Variants in KCNMA1 observed in about 807,000 individuals in gnomAD.
The protein encoded by KCNMA1 is Calcium-activated potassium channel subunit alpha-1.
A neutral mutation model predicts 140.0 loss-of-function variants in KCNMA1; 29 were observed. The observed-to-expected ratio is 0.21, with a 90% CI of 0.15 to 0.28. The LOEUF is 0.28. Ranked by LOEUF, KCNMA1 falls within the 10% of genes least tolerant of loss-of-function variation. KCNMA1 has a pLI of 1.00. For synonymous variants in KCNMA1, 612 were observed against 611.9 expected, an observed-to-expected ratio of 1.00 and a Z score of 0.00; for missense variants, 880 against 1,602.2, an observed-to-expected ratio of 0.55 and a Z score of 7.70.
At chr10:76,911,803 G>A (rs1159889557) in intron 24 of KCNMA1, 1 of 152,192 alleles carries the variant, frequency 6.6e-6, no homozygotes, top group Admixed American at 6.5e-5. Flanking sequence ...GATGTTGTAG[G>A]CCACTGTTTA....
chr10:77,296,909 G>GT lies in KCNMA1; in HGVS notation c.541-45654_541-45653insA, dbSNP rs199820362. ...ATCTAAGAGGAATGCCTGGGTGTGT[G>GT]GGCGGGGGGGCGGTGGGGGAATGTA... On this transcript the variant is annotated intron_variant, in intron 2 of 27. Transcript: ENST00000286628. Among the ~76,000 whole-genome samples the GT allele has an allele frequency of 8.0e-3, 848 of 105,516 alleles. 10 individuals are homozygous for GT. Among genetic ancestry groups the GT allele is most frequent in the Non-Finnish European group, 0.012 (570 of 46,062 alleles). 69.2% of individuals were successfully genotyped at this position (105,516 alleles called of 152,430 possible).
rs201629999 is a variant in KCNMA1, at chr10:76,887,080, G to A, written c.*186C>T. On this transcript the variant is annotated 3_prime_UTR_variant, in exon 28 of 28. Coordinates refer to ENST00000286628, the MANE Select transcript of KCNMA1 (RefSeq NM_001161352.2). ...GGTCCGTCTGCTTATTTGCTGTTGT[G>A]CTCAAGGGTTTTATGGTGGTGAAAT... The A allele has an allele frequency of 6.6e-5, 101 of 1,531,850 alleles. No homozygotes were observed. Among genetic ancestry groups the A allele is most frequent in the Admixed American group, 9.0e-5 (5 of 55,260 alleles). The allele number at this position is 1,531,850 out of a possible 1,614,324, so 94.9% of individuals were successfully genotyped here. A position where few individuals can be genotyped will look rare whatever the true frequency, so the allele number is the denominator to read the frequency against.
At chr10:77,101,702 AC>A (rs1391880901) in intron 9 of KCNMA1, among the ~76,000 whole-genome samples, 3 of 152,130 alleles carry the variant, frequency 2.0e-5, no homozygotes, top group Non-Finnish European at 4.4e-5. Flanking sequence ...TCACATTTCG[AC>A]CAGAGCCATG....
chr10:76,951,160 T>C (rs1371343738), intron 21 of KCNMA1, among the ~76,000 whole-genome samples: 2 of 152,168 alleles, frequency 1.3e-5, no homozygotes, highest in Non-Finnish European at 2.9e-5. Flanking sequence ...GCACAGTTAG[T>C]TGAGTGGCCG....
chr10:76,884,874 G>T (rs200431988), downstream of KCNMA1: 1 of 1,367,932 alleles, frequency 7.3e-7, no homozygotes, highest in Middle Eastern at 1.9e-4. Flanking sequence ...ACCAATAACA[G>T]AATAAAATTT....
Position 77,027,812 on chromosome 10 carries a change from C to T in KCNMA1, c.1928+11G>A, listed in dbSNP as rs74476254. 74 of 1,613,206 alleles carry T rather than the reference C, an allele frequency of 4.6e-5. No homozygotes were observed. The South Asian group carries it at 4.9e-4, about 11-fold the overall frequency. On this transcript the variant is annotated intron_variant, in intron 16 of 27. Coordinates refer to ENST00000286628, the MANE Select transcript of KCNMA1 (RefSeq NM_001161352.2). ...AAGTGTCAGCTGGCTGCTGGGTCAC[C>T]GCAAACTTACCGGCTCTCTCGGTTG...
chr10:77,155,444 T>C (rs1452656951), intron 5 of KCNMA1, among the ~76,000 whole-genome samples: 7 of 151,972 alleles, frequency 4.6e-5, no homozygotes, highest in East Asian at 3.9e-4. Flanking sequence ...CACAGAGAGC[T>C]TAAACATCTT....
intron 23 of KCNMA1, among the ~76,000 whole-genome samples, chr10:76,941,146 A>AAGGG (rs1565064254): frequency 2.8e-5 from 2 of 71,214 alleles, no homozygotes; most frequent in African/African-American, 9.1e-5. Context: ...AAGGGAAGGG[A>AAGGG]AGGGAAGGGA....
At chr10:77,231,396 T>C (rs1391081638) in intron 3 of KCNMA1, among the ~76,000 whole-genome samples, 1 of 152,222 alleles carries the variant, frequency 6.6e-6, no homozygotes, top group Non-Finnish European at 1.5e-5. Context: ...AAGTTGTGTG[T>C]AAATTTGTGT....
At chr10:77,472,238 C>T (rs554312338) in intron 1 of KCNMA1, among the ~76,000 whole-genome samples, 6 of 150,754 alleles carry the variant, frequency 4.0e-5, no homozygotes, top group Non-Finnish European at 8.9e-5. Context: ...ACATACATCA[C>T]ATAGACACAG....
At chr10:77,276,437 A>G (rs552898005) in intron 2 of KCNMA1, among the ~76,000 whole-genome samples, 119 of 152,334 alleles carry the variant, frequency 7.8e-4, no homozygotes, top group African/African-American at 2.7e-3. Context: ...CATTGATCAC[A>G]GAGAGGGGCT....
intron 2 of KCNMA1, among the ~76,000 whole-genome samples, chr10:77,362,795 T>C (rs2094082752): frequency 6.6e-6 from 1 of 152,156 alleles, no homozygotes; most frequent in East Asian, 1.9e-4. Context: ...CTCTGATAAA[T>C]CTCTTCACGG....
At chr10:77,374,770 T>C (rs753421447) in intron 2 of KCNMA1, among the ~76,000 whole-genome samples, 1 of 152,178 alleles carries the variant, frequency 6.6e-6, no homozygotes, top group Non-Finnish European at 1.5e-5. Context: ...CATGAGTCCA[T>C]TTTACCAGCT....
chr10:77,199,810 A>G (rs989695187), intron 3 of KCNMA1, among the ~76,000 whole-genome samples: 1 of 152,188 alleles, frequency 6.6e-6, no homozygotes, highest in Non-Finnish European at 1.5e-5. Flanking sequence ...GACACCTCGT[A>G]TAGAGCCTAA....
In KCNMA1 at chr10:77,399,883, A is replaced by G. The variant is rs78832812; in HGVS notation, c.540+3979T>C. Among the ~76,000 whole-genome samples the G allele has an allele frequency of 4.1e-3, 618 of 152,272 alleles. 4 individuals are homozygous for G. The highest frequency in any genetic ancestry group is 0.014 in the African/African-American group (588 of 41,538). ...TGTGCTCGTCTGGGAGATCCTACAG[A>G]TATTCTGAGGTTGTATTGGCAAATT... On this transcript the variant is annotated intron_variant, in intron 2 of 27. Coordinates refer to ENST00000286628, the MANE Select transcript of KCNMA1 (RefSeq NM_001161352.2).
chr10:76,923,082 G>A (rs1041635817), intron 23 of KCNMA1, among the ~76,000 whole-genome samples: 2 of 152,116 alleles, frequency 1.3e-5, no homozygotes, highest in African/African-American at 4.8e-5. Flanking sequence ...TCCACCCACT[G>A]AATAAAGTGC....
In KCNMA1 at chr10:76,953,795, A is replaced by C; in HGVS notation, c.2484+6T>G. 1.2e-6 allele frequency: 2 copies of C among 1,613,918 alleles called. No individual in the cohort carries two copies. Among genetic ancestry groups the C allele is most frequent in the Non-Finnish European group, 1.7e-6 (2 of 1,179,890 alleles). ...GGCAACATCAGATGCACAGTCCCTC[A>C]CTCACCAGGATGACTTTCTCTATCT... is the stretch of plus-strand genomic sequence containing the variant. On this transcript the variant is annotated splice_donor_region_variant and intron_variant, in intron 21 of 27. Transcript: ENST00000286628.
intron 2 of KCNMA1, among the ~76,000 whole-genome samples, chr10:77,403,507 T>G (rs538063692): frequency 6.6e-6 from 1 of 152,240 alleles, no homozygotes; most frequent in African/African-American, 2.4e-5. Flanking sequence ...GATCCCCGCA[T>G]TTGTAGCCCT....
intron 5 of KCNMA1, chr10:77,149,864 C>T (rs1020352490): frequency 6.6e-6 from 1 of 152,122 alleles, no homozygotes; most frequent in African/African-American, 2.4e-5. Context: ...GGCACAAAAC[C>T]ATCTGCTTAG....
Sources: allele counts gnomAD v4.1 joint callset (sites outside exome capture counted in the v4.1 genomes callset), GRCh38; gene constraint gnomAD v4.1.1; transcripts MANE v1.5; gene names NCBI Gene and HGNC (gene_info 2026-07-23, HGNC 2026-07-21).